The following NBPF11 variants were observed in gnomAD, a reference collection of about 807,000 sequenced individuals.
NBPF11 encodes the protein NBPF member 11, also known as NBPF family member NBPF11.
Under a neutral mutation model 93.9 loss-of-function variants are expected in NBPF11, and 72 were observed. The observed-to-expected ratio is 0.77, with a 90% CI of 0.63 to 0.93. The LOEUF (loss-of-function observed/expected upper bound fraction) is 0.93. Ranked by LOEUF, NBPF11 falls within the 40% of genes least tolerant of loss-of-function variation. The pLI, the probability that NBPF11 is intolerant of heterozygous loss-of-function variation, is 0.00. For missense variants in NBPF11, 705 were observed against 802.2 expected (o/e 0.88, Z 1.46); for synonymous variants, 224 against 304.9 (o/e 0.73, Z 2.76).
chr1:148,110,484 A>G lies in NBPF11; in HGVS notation c.1695T>C (p.Tyr565=). The G allele has an allele frequency of 6.3e-7, 1 of 1,589,342 alleles. No homozygotes were observed. The highest frequency in any genetic ancestry group is 8.6e-7 in the Non-Finnish European group (1 of 1,163,612). ...EVPQESWDEG[Y]STLSIPPERL... ...TTTCAGGAGGAATTGAGAGAGTCGA[A>G]TAACCTTCATCCCAGGACTCCTGGG... Residue 565 remains tyrosine, a synonymous_variant, in exon 16 of 24, where the codon TAT becomes TAC. Transcript: ENST00000682118.
chr1:148,119,484 C>G (rs1374182587), intron 10 of NBPF11, among the ~76,000 whole-genome samples: 1 of 151,834 alleles, frequency 6.6e-6, no homozygotes, highest in Non-Finnish European at 1.5e-5. Flanking sequence ...AGACAAGCAC[C>G]TTGGATGGAG....
In NBPF11 at chr1:148,110,286, C is replaced by G; in HGVS notation, c.1801+92G>C. 1.4e-5 allele frequency: 22 copies of G among 1,539,206 alleles called. 1 individual carries two copies. Among genetic ancestry groups the G allele is most frequent in the East Asian group, 2.3e-5 (1 of 43,968 alleles). On this transcript the variant is annotated intron_variant, in intron 16 of 23. Transcript: ENST00000682118. Reference sequence around the variant, plus strand: ...GGTTCAGCCCACAGTGATGGCAACTCTCAGCCCAACCAGGGGCACAAGGCC... The same window carrying G: ...GGTTCAGCCCACAGTGATGGCAACTGTCAGCCCAACCAGGGGCACAAGGCC...
rs1474072691 is a variant in NBPF11 at position 148,139,944 on chromosome 1, G to A, written c.-276-2135C>T. Among the ~76,000 whole-genome samples the A allele has an allele frequency of 1.7e-3, 257 of 150,920 alleles. 1 individual carries two copies. The highest frequency in any genetic ancestry group is 6.1e-3 in the African/African-American group (250 of 40,864). On this transcript the variant is annotated intron_variant, in intron 2 of 23. Transcript: ENST00000682118. ...AAGGGGGAATCTTACACATTTCCAAGTTTTACTACAATGATCTCAACCAGG... is the reference window on the plus strand; with the variant it reads ...AAGGGGGAATCTTACACATTTCCAAATTTTACTACAATGATCTCAACCAGG...
chr1:148,133,707 G>T (rs1670810373), intron 4 of NBPF11, among the ~76,000 whole-genome samples: 1 of 150,596 alleles, frequency 6.6e-6, no homozygotes, highest in South Asian at 2.1e-4. Flanking sequence ...GGAGGCTGAG[G>T]CGGGCGGATC....
rs1241208353 is a variant in NBPF11, at chr1:148,122,760, C to T, written c.535G>A (p.Asp179Asn). ...GCAGATGATTCCAGTACTTTCTCAT[C>T]CTCCTCAACTTGAACATCTTCATCC... ...DEDEDVQVEE[D>N]EKVLESSAPR... The change falls in exon 8 of 24, where the codon GAT becomes AAT. Residue 179 changes from aspartate (D) to asparagine (N), a missense_variant. Transcript: ENST00000682118. 22 of 1,609,702 alleles carry T rather than the reference C, an allele frequency of 1.4e-5. No homozygotes were observed. The highest frequency in any genetic ancestry group is 1.7e-5 in the Non-Finnish European group (20 of 1,177,366).
At chr1:148,148,699 G>T (rs1338126643) in intron 1 of NBPF11, among the ~76,000 whole-genome samples, 3 of 152,136 alleles carry the variant, frequency 2.0e-5, no homozygotes, top group East Asian at 3.9e-4. Flanking sequence ...TGGCCAAGGG[G>T]GTGGGCAAGG....
intron 2 of NBPF11, among the ~76,000 whole-genome samples, chr1:148,138,510 C>A (rs1164332491): frequency 5.9e-5 from 9 of 151,824 alleles, no homozygotes; most frequent in African/African-American, 2.2e-4. Context: ...TGCAGTCTTC[C>A]GCAGTGTAGT....
At chr1:148,115,422 G>A (rs1666266450) in intron 14 of NBPF11, among the ~76,000 whole-genome samples, 1 of 149,930 alleles carries the variant, frequency 6.7e-6, no homozygotes, top group Non-Finnish European at 1.5e-5. Context: ...CAAATACAAA[G>A]GCAAGGCTGC....
chr1:148,149,057 G>A, intron 1 of NBPF11: 1 of 913,994 alleles, frequency 1.1e-6, no homozygotes, highest in Non-Finnish European at 1.6e-6. Flanking sequence ...GGCTGAGTGG[G>A]GAGACTGGAG....
chr1:148,126,380 C>G (rs1254563424), intron 5 of NBPF11, among the ~76,000 whole-genome samples: 14 of 151,412 alleles, frequency 9.2e-5, no homozygotes, highest in African/African-American at 3.2e-4. Flanking sequence ...CCCCTCAGAG[C>G]AGGTACTGGG....
Position 148,103,692 on chromosome 1 carries a change from T to G in NBPF11, c.*204A>C. 1 of 1,611,292 alleles carries G rather than the reference T, an allele frequency of 6.2e-7. No individual in the cohort carries two copies. Among genetic ancestry groups the G allele is most frequent in the South Asian group, 1.1e-5 (1 of 90,984 alleles). ...GCTTATTGTGGGAATATGACTCCCA[T>G]CTGGAAGACCAGGTGGAGACTTCTC... On this transcript the variant is annotated 3_prime_UTR_variant, in exon 24 of 24. Coordinates refer to ENST00000682118, the MANE Select transcript of NBPF11 (RefSeq NM_001385469.3).
chr1:148,105,733 C>CAG (rs1292410155), intron 21 of NBPF11, among the ~76,000 whole-genome samples: 1 of 99,660 alleles, frequency 1.0e-5, no homozygotes, highest in African/African-American at 6.3e-5. Flanking sequence ...CACACACACA[C>CAG]ACACACACAC....
At chr1:148,122,849 C>T (rs1668192944) in intron 7 of NBPF11, 48 bp from the exon 8 acceptor site, 1 of 1,608,538 alleles carries the variant, frequency 6.2e-7, no homozygotes, top group African/African-American at 1.3e-5. Flanking sequence ...TCACATTCTG[C>T]AAGCACAGTC....
intron 7 of NBPF11, among the ~76,000 whole-genome samples, chr1:148,123,067 T>C (rs1381380327): frequency 6.6e-6 from 1 of 152,036 alleles, no homozygotes; most frequent in Non-Finnish European, 1.5e-5. Flanking sequence ...GTGCAGCCTC[T>C]CTCTGGACTT....
At chr1:148,139,448 G>T (rs1307445848) in intron 2 of NBPF11, among the ~76,000 whole-genome samples, 1 of 148,590 alleles carries the variant, frequency 6.7e-6, no homozygotes, top group Non-Finnish European at 1.5e-5. Context: ...CAGTCATGGG[G>T]ACCAGGGATT....
At chr1:148,117,052 G>A (rs1373193127) in intron 12 of NBPF11, among the ~76,000 whole-genome samples, 1 of 152,058 alleles carries the variant, frequency 6.6e-6, no homozygotes, top group African/African-American at 2.4e-5. Flanking sequence ...CCCACATCAA[G>A]TGCCTTCTCC....
rs1434623827 is a variant in NBPF11, at chr1:148,151,113, AAGAC to A, written c.-549+633_-549+636del. ...GAGATGATCTAAGAAGCCTCAAAGA[AAGAC>A]AGACAGGCACAGAAAAATCACAGCA... On this transcript the variant is annotated intron_variant, in intron 1 of 23. Coordinates refer to ENST00000682118, the MANE Select transcript of NBPF11 (RefSeq NM_001385469.3). Among the ~76,000 whole-genome samples the A allele has an allele frequency of 5.5e-4, 83 of 152,084 alleles. 1 individual carries two copies. Among genetic ancestry groups the A allele is most frequent in the Admixed American group, 2.8e-3 (43 of 15,298 alleles).
At chr1:148,124,215 A>G in intron 6 of NBPF11, 148 bp from the exon 7 acceptor site, 4 of 646,232 alleles carry the variant, frequency 6.2e-6, no homozygotes, top group Non-Finnish European at 1.1e-5. Flanking sequence ...TGTGGCCAAG[A>G]GAAAGAACAG....
At chr1:148,145,951 G>A (rs1196769163) in intron 1 of NBPF11, among the ~76,000 whole-genome samples, 7 of 152,004 alleles carry the variant, frequency 4.6e-5, no homozygotes, top group Non-Finnish European at 7.4e-5. Context: ...ACAAGCTGCA[G>A]ATTGAAAAAA....
Sources: gnomAD v4.1 joint callset for allele counts (sites outside exome capture counted in the v4.1 genomes callset) on GRCh38, gnomAD v4.1.1 for gene constraint, MANE v1.5 for transcripts, NCBI Gene and HGNC (gene_info 2026-07-23, HGNC 2026-07-21) for gene names.